The following CNTNAP2 variants were observed in gnomAD, a reference collection of about 807,000 sequenced individuals.
CNTNAP2 encodes the protein contactin-associated protein-like 2.
CNTNAP2 carries 98 observed loss-of-function variants against 155.2 expected under a neutral mutation model. That is an observed-to-expected ratio of 0.63 (90% CI 0.54 to 0.75). The LOEUF is 0.75. Among genes scored for constraint, CNTNAP2 ranks in the 30% least tolerant of loss-of-function variants. The pLI is 0.00. For missense variants in CNTNAP2, 1,727 were observed against 1,688.1 expected (o/e 1.02, Z -0.40); for synonymous variants, 651 against 631.2 (o/e 1.03, Z -0.47).
intron 8 of CNTNAP2, among the ~76,000 whole-genome samples, chr7:147,134,032 GA>G (rs1358573518): frequency 5.3e-5 from 8 of 151,938 alleles, no homozygotes; most frequent in Non-Finnish European, 1.2e-4. Flanking sequence ...TGCCACAGTT[GA>G]AAAACTCCCA....
chr7:146,532,343 GT>G (rs1435404362), intron 1 of CNTNAP2, among the ~76,000 whole-genome samples: 2 of 152,114 alleles, frequency 1.3e-5, no homozygotes, highest in African/African-American at 4.8e-5. Context: ...ATATGGAAAA[GT>G]GTGTTGATGG....
chr7:148,324,178 C>G (rs1797849627), intron 21 of CNTNAP2, among the ~76,000 whole-genome samples: 1 of 152,110 alleles, frequency 6.6e-6, no homozygotes, highest in South Asian at 2.1e-4. Flanking sequence ...AGCCACCACA[C>G]CTGGCCTCTG....
chr7:147,127,092 G>T (rs1584860399), intron 6 of CNTNAP2, among the ~76,000 whole-genome samples: 1 of 152,130 alleles, frequency 6.6e-6, no homozygotes, highest in Non-Finnish European at 1.5e-5. Flanking sequence ...TGTTCAAAAA[G>T]ATTGTAAACA....
At chr7:147,937,068 C>T (rs1483332047) in intron 14 of CNTNAP2, among the ~76,000 whole-genome samples, 2 of 149,466 alleles carry the variant, frequency 1.3e-5, no homozygotes, top group Non-Finnish European at 2.9e-5. Flanking sequence ...ACCACCACCA[C>T]GATTCCCTTC....
rs77580176 is a variant in CNTNAP2, at chr7:148,042,960, C to T, written c.2383+64971C>T. ...CTTCAGCATATTGCTGTTCATATGC[C>T]ACACAAATGTTCTGTAAAGTCCCAT... On this transcript the variant is annotated intron_variant, in intron 15 of 23. Transcript: ENST00000361727. Among the ~76,000 whole-genome samples, 32 of 152,294 alleles carry T rather than the reference C, an allele frequency of 2.1e-4. 1 individual carries two copies. The East Asian group carries it at 6.0e-3, about 28-fold the overall frequency.
chr7:146,636,920 A>G (rs979196085), intron 1 of CNTNAP2, among the ~76,000 whole-genome samples: 4 of 152,248 alleles, frequency 2.6e-5, no homozygotes, highest in African/African-American at 9.6e-5. Flanking sequence ...TTGACCCTAC[A>G]GTCATTGCCA....
chr7:146,194,639 T>C (rs1045381316), intron 1 of CNTNAP2, among the ~76,000 whole-genome samples: 1 of 152,160 alleles, frequency 6.6e-6, no homozygotes, highest in African/African-American at 2.4e-5. Context: ...AACAAGAAAA[T>C]TGTAAAATAT....
At chr7:147,532,832 G>C (rs934391671) in intron 11 of CNTNAP2, among the ~76,000 whole-genome samples, 15 of 152,158 alleles carry the variant, frequency 9.9e-5, no homozygotes, top group Admixed American at 8.5e-4. Context: ...CACAAGAATA[G>C]AGTGGGAAAG....
At chr7:147,233,510 G>A (rs961893251) in intron 8 of CNTNAP2, among the ~76,000 whole-genome samples, 2 of 151,446 alleles carry the variant, frequency 1.3e-5, no homozygotes, top group Non-Finnish European at 2.9e-5. Context: ...GATTTGTAAA[G>A]ACTCCAAAGT....
At position 147,438,794 on chromosome 7, in the gene CNTNAP2, T is replaced by A. The variant is rs146805434; in HGVS notation, c.1670+43014T>A. 3.7e-3 allele frequency among the ~76,000 whole-genome samples: 556 copies of A among 152,106 alleles called. 2 individuals carry two copies. Among genetic ancestry groups the A allele is most frequent in the African/African-American group, 0.013 (520 of 41,534 alleles). On this transcript the variant is annotated intron_variant, in intron 10 of 23. Transcript: ENST00000361727. ...GTTACTAGTCTGTTCAGGTTTTGAA[T>A]TTATTTGTGGTTCAATCTCAGTAGG...
chr7:148,162,968 C>T (rs1266838748), intron 17 of CNTNAP2, among the ~76,000 whole-genome samples: 3 of 152,160 alleles, frequency 2.0e-5, no homozygotes, highest in Non-Finnish European at 4.4e-5. Context: ...TCACTGCACT[C>T]GGCCTGAGCC....
chr7:146,737,780 T>A (rs1223091391), intron 1 of CNTNAP2, among the ~76,000 whole-genome samples: 1 of 152,098 alleles, frequency 6.6e-6, no homozygotes, highest in African/African-American at 2.4e-5. Context: ...TAACATAATG[T>A]CCTTCAGGTT....
chr7:147,724,727 C>T (rs940723), intron 13 of CNTNAP2, among the ~76,000 whole-genome samples: 151,063 of 152,078 alleles, frequency 0.99, 75,032 homozygotes, highest in Middle Eastern at 1. Flanking sequence ...CTATATTACA[C>T]TGCGGAAGCT....
In CNTNAP2 at chr7:148,269,965, T is replaced by C. The variant is rs1796745380; in HGVS notation, c.3475+2839T>C. Among the ~76,000 whole-genome samples the C allele has an allele frequency of 2.0e-5, 3 of 152,222 alleles. No individual in the cohort carries two copies. In the South Asian group the frequency reaches 6.2e-4, roughly 31 times the overall value. ...ACACTATGATATTCGTAAAGTAACA[T>C]CAACTATAAACATACCCGAAAATAA... On this transcript the variant is annotated intron_variant, in intron 21 of 23. Coordinates refer to ENST00000361727, the MANE Select transcript of CNTNAP2 (RefSeq NM_014141.6).
At chr7:146,811,844 C>T (rs1394209637) in intron 2 of CNTNAP2, among the ~76,000 whole-genome samples, 1 of 152,124 alleles carries the variant, frequency 6.6e-6, no homozygotes, top group African/African-American at 2.4e-5. Flanking sequence ...GATGGTTTTA[C>T]AAGAGGCTTT....
chr7:147,384,746 A>G (rs1419198897), intron 9 of CNTNAP2, among the ~76,000 whole-genome samples: 1 of 152,216 alleles, frequency 6.6e-6, no homozygotes, highest in Non-Finnish European at 1.5e-5. Flanking sequence ...TTCAGTTGGA[A>G]CATAACATTT....
chr7:147,732,172 T>C (rs1796751689), intron 13 of CNTNAP2, among the ~76,000 whole-genome samples: 1 of 118,216 alleles, frequency 8.5e-6, no homozygotes, highest in African/African-American at 3.3e-5. Flanking sequence ...TATCTCCTAA[T>C]GCTATCCCTC....
Position 148,018,813 on chromosome 7 carries a change from G to A in CNTNAP2, c.2383+40824G>A, listed in dbSNP as rs1400534122. Among the ~76,000 whole-genome samples the A allele has an allele frequency of 2.0e-5, 3 of 152,190 alleles. No homozygotes were observed. The East Asian group carries it at 5.8e-4, about 29-fold the overall frequency. On this transcript the variant is annotated intron_variant, in intron 15 of 23. Coordinates refer to ENST00000361727, the MANE Select transcript of CNTNAP2 (RefSeq NM_014141.6). ...AAAACAGCATCAAACAATGTCACAG[G>A]CTGTGCTTCTCACAAGGTTTTTTGT...
At chr7:146,538,426 G>C (rs1246702879) in intron 1 of CNTNAP2, among the ~76,000 whole-genome samples, 1 of 152,062 alleles carries the variant, frequency 6.6e-6, no homozygotes, top group Non-Finnish European at 1.5e-5. Flanking sequence ...CCAGGCTGTA[G>C]GAGCAGTTTC....
Sources: allele counts gnomAD v4.1 joint callset (sites outside exome capture counted in the v4.1 genomes callset), GRCh38; gene constraint gnomAD v4.1.1; transcripts MANE v1.5; gene names NCBI Gene and HGNC (gene_info 2026-07-23, HGNC 2026-07-21).